The following DARS1 variants were observed in gnomAD, a reference collection of about 807,000 sequenced individuals.
DARS1 encodes aspartate--tRNA ligase, cytoplasmic.
Under a neutral mutation model 68.8 loss-of-function variants are expected in DARS1, and 51 were observed. The observed-to-expected ratio is 0.74, with a 90% CI of 0.59 to 0.94. The LOEUF (loss-of-function observed/expected upper bound fraction) is 0.94. Ranked by LOEUF, DARS1 falls within the 40% of genes least tolerant of loss-of-function variation. The probability of loss-of-function intolerance (pLI) is 0.00; values close to 1 mark genes in which losing one functional copy is unlikely to be tolerated. For missense variants in DARS1, 607 were observed against 597.3 expected (o/e 1.02, Z -0.17); for synonymous variants, 203 against 190.4 (o/e 1.07, Z -0.55).
At chr2:135,927,100 T>C (rs1294949727) in intron 7 of DARS1, among the ~76,000 whole-genome samples, 1 of 152,230 alleles carries the variant, frequency 6.6e-6, no homozygotes, top group Admixed American at 6.5e-5. Context: ...CGGTTTTTTA[T>C]AGACTCATTT....
chr2:135,908,178 C>T (rs550396371), intron 15 of DARS1, among the ~76,000 whole-genome samples: 1 of 152,176 alleles, frequency 6.6e-6, no homozygotes, highest in South Asian at 2.1e-4. Flanking sequence ...TGTGTCTTTT[C>T]GTATATGAAA....
chr2:135,916,857 G>A (rs1453897443), intron 10 of DARS1, among the ~76,000 whole-genome samples: 1 of 152,096 alleles, frequency 6.6e-6, no homozygotes, highest in Non-Finnish European at 1.5e-5. Context: ...TTACTGCACT[G>A]AGCTGAATTT....
At chr2:135,946,376 C>G (rs1311714327) in intron 4 of DARS1, among the ~76,000 whole-genome samples, 7 of 152,140 alleles carry the variant, frequency 4.6e-5, no homozygotes, top group African/African-American at 1.7e-4. Context: ...ACCTCACATG[C>G]TATAGGTGAT....
chr2:135,911,748 G>A (rs962438747), intron 13 of DARS1: 1 of 305,554 alleles, frequency 3.3e-6, no homozygotes, highest in Non-Finnish European at 5.9e-6. Context: ...AAGAAGCAGT[G>A]CTGATCCTTA....
chr2:135,907,238 C>CTTTGTTTTTTTTTT lies in DARS1; in HGVS notation c.*77_*78insAAAAAAAAAACAAA. 3 of 724,936 alleles carry CTTTGTTTTTTTTTT rather than the reference C, an allele frequency of 4.1e-6. No homozygotes were observed. Among genetic ancestry groups the CTTTGTTTTTTTTTT allele is most frequent in the Non-Finnish European group, 4.1e-6 (2 of 491,686 alleles). 44.9% of individuals were successfully genotyped at this position (724,936 alleles called of 1,614,324 possible). On this transcript the variant is annotated 3_prime_UTR_variant, in exon 16 of 16. Coordinates refer to ENST00000264161, the MANE Select transcript of DARS1 (RefSeq NM_001349.4). The stretch of plus-strand genomic sequence containing the variant: ...AGGTTACTGAAAAGAATAAGTGTGG[C>CTTTGTTTTTTTTTT]TTTCTTTTTTTTTTTTTTTTTTTGA...
chr2:135,920,796 G>T (rs1469811793), intron 9 of DARS1, among the ~76,000 whole-genome samples, 196 bp from the exon 10 acceptor site: 1 of 152,048 alleles, frequency 6.6e-6, no homozygotes, highest in African/African-American at 2.4e-5. Context: ...CTACGGTCGT[G>T]CAATAAAAGC....
chr2:135,938,514 C>A (rs1465435786), intron 5 of DARS1, among the ~76,000 whole-genome samples: 1 of 152,216 alleles, frequency 6.6e-6, no homozygotes, highest in Non-Finnish European at 1.5e-5. Context: ...CATTCTCTGT[C>A]CAGCTTTGTT....
intron 5 of DARS1, among the ~76,000 whole-genome samples, 187 bp from the exon 6 acceptor site, chr2:135,934,177 T>A (rs1681415487): frequency 1.3e-5 from 2 of 152,180 alleles, no homozygotes; most frequent in African/African-American, 4.8e-5. Flanking sequence ...AAAATGGGGA[T>A]AATAATATTT....
chr2:135,949,084 A>G (rs2104823954), intron 4 of DARS1, among the ~76,000 whole-genome samples: 1 of 152,218 alleles, frequency 6.6e-6, no homozygotes, highest in East Asian at 1.9e-4. Context: ...AAAGAAAAAT[A>G]AAATAAAATA....
chr2:135,935,970 T>C (rs1375635338), intron 5 of DARS1, among the ~76,000 whole-genome samples: 1 of 152,210 alleles, frequency 6.6e-6, no homozygotes, highest in East Asian at 1.9e-4. Flanking sequence ...AATTCTAGGA[T>C]TCCCTTTGAC....
intron 10 of DARS1, 108 bp from the exon 11 acceptor site, chr2:135,916,480 C>G (rs1008642119): frequency 1.9e-6 from 1 of 515,066 alleles, no homozygotes; most frequent in African/African-American, 1.9e-5. Flanking sequence ...GTATATACAC[C>G]AGGAAAAGCA....
At chr2:135,977,730 T>C (rs1312075405) in intron 3 of DARS1, among the ~76,000 whole-genome samples, 3 of 152,204 alleles carry the variant, frequency 2.0e-5, no homozygotes, top group East Asian at 1.9e-4. Context: ...ACTGAAAGAA[T>C]AGACAAACTC....
At chr2:135,984,157 G>A (rs1409679370) in intron 1 of DARS1, among the ~76,000 whole-genome samples, 1 of 152,180 alleles carries the variant, frequency 6.6e-6, no homozygotes, top group Non-Finnish European at 1.5e-5. Flanking sequence ...AAATAGATAA[G>A]TGGCCTTTAT....
Position 135,979,362 on chromosome 2 carries a change from T to A in DARS1, c.129A>T (p.Arg43=). Residue 43 remains arginine, a synonymous_variant, in exon 3 of 16, where the codon CGA becomes CGT. Coordinates refer to ENST00000264161, the MANE Select transcript of DARS1 (RefSeq NM_001349.4). ...SMIQSQEKPD[R]VLVRVRDLTI... ...TCAAGTCTCTAACCCGAACCAAAAC[T>A]CGATCTGTAATAACAGTAAACGATT... 1 of 1,327,910 alleles carries A rather than the reference T, an allele frequency of 7.5e-7. No homozygotes were observed. The highest frequency in any genetic ancestry group is 1.1e-6 in the Non-Finnish European group (1 of 919,230). 82.3% of individuals were successfully genotyped at this position (1,327,910 alleles called of 1,614,324 possible). A position where few individuals can be genotyped will look rare whatever the true frequency, so the allele number is the denominator to read the frequency against.
rs1680785683 is a variant in DARS1 at position 135,906,625 on chromosome 2, G to T, written c.*691C>A. On this transcript the variant is annotated 3_prime_UTR_variant, in exon 16 of 16. Coordinates refer to ENST00000264161, the MANE Select transcript of DARS1 (RefSeq NM_001349.4). ...TGTATTTTTTCTTTTACCAAATTAT[G>T]AATGCCTAGCACCACTTACAAAATC... The T allele has an allele frequency of 6.6e-6, 1 of 152,070 alleles. No homozygotes were observed. Among genetic ancestry groups the T allele is most frequent in the African/African-American group, 2.4e-5 (1 of 41,402 alleles). The allele number at this position is 152,070 out of a possible 1,614,324, so 9.4% of individuals were successfully genotyped here.
At chr2:135,967,683 A>AT (rs34762161) in intron 3 of DARS1, among the ~76,000 whole-genome samples, 1 of 152,024 alleles carries the variant, frequency 6.6e-6, no homozygotes, top group Non-Finnish European at 1.5e-5. Flanking sequence ...AGAGACTCTT[A>AT]TTTTTGCATT....
intron 3 of DARS1, among the ~76,000 whole-genome samples, chr2:135,975,146 C>A (rs1682466705): frequency 6.6e-6 from 1 of 151,278 alleles, no homozygotes; most frequent in African/African-American, 2.4e-5. Flanking sequence ...AGATCGAGAC[C>A]ATTCTGGCTA....
intron 3 of DARS1, among the ~76,000 whole-genome samples, chr2:135,974,678 G>A (rs1046109565): frequency 6.6e-6 from 1 of 152,142 alleles, no homozygotes; most frequent in Non-Finnish European, 1.5e-5. Flanking sequence ...TCTTCATTGT[G>A]TGAATCCCTG....
In DARS1 at chr2:135,964,840, C is replaced by CAAAAAA. The variant is rs372676148; in HGVS notation, c.218-3348_218-3343dup. Among the ~76,000 whole-genome samples the CAAAAAA allele has an allele frequency of 2.3e-3, 112 of 49,522 alleles. 1 individual carries two copies. Among genetic ancestry groups the CAAAAAA allele is most frequent in the Non-Finnish European group, 2.7e-3 (69 of 25,376 alleles). 32.5% of individuals were successfully genotyped at this position (49,522 alleles called of 152,430 possible). A position where few individuals can be genotyped will look rare whatever the true frequency, so the allele number is the denominator to read the frequency against. The stretch of plus-strand genomic sequence containing the variant: ...TGGGTAACAGAGCAAGACTCCACCT[C>CAAAAAA]AAAAAAAAAAAAAAAAAAAAAAAGA... On this transcript the variant is annotated intron_variant, in intron 3 of 15. Transcript: ENST00000264161.
Sources: allele counts gnomAD v4.1 joint callset (sites outside exome capture counted in the v4.1 genomes callset), GRCh38; gene constraint gnomAD v4.1.1; transcripts MANE v1.5; gene names NCBI Gene and HGNC (gene_info 2026-07-23, HGNC 2026-07-21).